The following SLC35B4 variants were observed in gnomAD, a reference collection of about 807,000 sequenced individuals.
SLC35B4 encodes the protein solute carrier family 35 member B4.
Under a neutral mutation model 39.5 loss-of-function variants are expected in SLC35B4, and 28 were observed. The observed-to-expected ratio is 0.71, with a 90% confidence interval of 0.53 to 0.97. The LOEUF is 0.97. Among genes scored for constraint, SLC35B4 ranks in the 50% least tolerant of loss-of-function variants. SLC35B4 has a pLI of 0.00. For missense variants in SLC35B4, 334 were observed against 414.3 expected, an observed-to-expected ratio of 0.81 and a Z score of 1.68; for synonymous variants, 145 against 150.4, an observed-to-expected ratio of 0.96 and a Z score of 0.26.
intron 1 of SLC35B4, among the ~76,000 whole-genome samples, chr7:134,311,063 T>C (rs1563219272): frequency 6.6e-6 from 1 of 152,244 alleles, no homozygotes; most frequent in Non-Finnish European, 1.5e-5. Context: ...TCTACAGAAC[T>C]AGGCTTACTA....
chr7:134,309,071 C>G (rs1314108173), intron 2 of SLC35B4, among the ~76,000 whole-genome samples: 1 of 152,136 alleles, frequency 6.6e-6, no homozygotes, highest in Non-Finnish European at 1.5e-5. Flanking sequence ...GAAGACAGCA[C>G]AAAATTTGTG....
intron 1 of SLC35B4, among the ~76,000 whole-genome samples, chr7:134,312,679 G>A (rs1585646829): frequency 1.3e-5 from 2 of 152,238 alleles, no homozygotes; most frequent in South Asian, 2.1e-4. Flanking sequence ...ATGTGTATTC[G>A]CTATAGGATT....
intron 2 of SLC35B4, 130 bp from the exon 3 acceptor site, chr7:134,306,904 T>C (rs558982829): frequency 3.1e-6 from 2 of 642,910 alleles, no homozygotes; most frequent in East Asian, 5.6e-5. Context: ...TGCATCACTA[T>C]TATGCCATGT....
intron 1 of SLC35B4, among the ~76,000 whole-genome samples, chr7:134,314,797 G>A (rs1803931675): frequency 6.6e-6 from 1 of 152,142 alleles, no homozygotes; most frequent in Non-Finnish European, 1.5e-5. Context: ...GACTCCCAAA[G>A]TGCTGGGATT....
In SLC35B4 at chr7:134,289,497, C is replaced by A. The variant is rs1803289740; in HGVS notation, c.*5336G>T. 6.6e-6 allele frequency: 1 copy of A among 152,594 alleles called. No individual in the cohort carries two copies. The highest frequency in any genetic ancestry group is 1.5e-5 in the Non-Finnish European group (1 of 68,062). The allele number at this position is 152,594 out of a possible 1,614,324, so 9.5% of individuals were successfully genotyped here. On this transcript the variant is annotated 3_prime_UTR_variant, in exon 10 of 10. Transcript: ENST00000378509. ...TCTACGTACTCTCAGCTTTCTACTCCCTCCTCCCCCATCTTTGTTCTTAAA... is the reference window on the plus strand; with the variant it reads ...TCTACGTACTCTCAGCTTTCTACTCACTCCTCCCCCATCTTTGTTCTTAAA...
intron 3 of SLC35B4, among the ~76,000 whole-genome samples, chr7:134,305,715 G>A (rs1329444018): frequency 6.6e-6 from 1 of 152,140 alleles, no homozygotes; most frequent in Non-Finnish European, 1.5e-5. Flanking sequence ...TTGTTGCCCA[G>A]GCTGGAGTGC....
intron 1 of SLC35B4, among the ~76,000 whole-genome samples, chr7:134,316,089 G>A (rs1803967910): frequency 6.6e-6 from 1 of 151,958 alleles, no homozygotes; most frequent in East Asian, 1.9e-4. Flanking sequence ...CATCATTTAT[G>A]TATGTTTGGG....
At chr7:134,300,426 T>C (rs1434046133) in intron 6 of SLC35B4, among the ~76,000 whole-genome samples, 165 bp from the exon 7 acceptor site, 1 of 152,238 alleles carries the variant, frequency 6.6e-6, no homozygotes, top group African/African-American at 2.4e-5. Flanking sequence ...ATCTAGTCCT[T>C]TACAGCTTTC....
At chr7:134,301,428 G>A (rs1160421670) in intron 6 of SLC35B4, among the ~76,000 whole-genome samples, 1 of 152,198 alleles carries the variant, frequency 6.6e-6, no homozygotes, top group African/African-American at 2.4e-5. Context: ...GTGCCCTCTT[G>A]CAGAAGCTTC....
chr7:134,316,796 GCCTGTACCGCTACCCCAGGAAGCCGGCCT>G lies in SLC35B4; in HGVS notation c.-74_-46del. 6.5e-7 allele frequency: 1 copy of G among 1,527,940 alleles called. No individual in the cohort carries two copies. The highest frequency in any genetic ancestry group is 8.8e-7 in the Non-Finnish European group (1 of 1,132,378). 94.6% of individuals were successfully genotyped at this position (1,527,940 alleles called of 1,614,324 possible). ...AAGCAAGCGCACAGAGTAAGCGCCC[GCCTGTACCGCTACCCCAGGAAGCCGGCCT>G]CCTGCCTCTTCGCTGCGCAGCACAT... On this transcript the variant is annotated 5_prime_UTR_variant, in exon 1 of 10. The change abolishes the stop of an existing upstream ORF in the 5' untranslated region. Transcript: ENST00000378509.
chr7:134,314,582 C>T (rs1803926384), intron 1 of SLC35B4, among the ~76,000 whole-genome samples: 1 of 152,150 alleles, frequency 6.6e-6, no homozygotes. Flanking sequence ...GTTGCCCAGG[C>T]TGGAGTGCAA....
In SLC35B4 at chr7:134,292,876, G is replaced by C. The variant is rs1370129155; in HGVS notation, c.*1957C>G. The C allele has an allele frequency of 6.6e-6, 1 of 152,118 alleles. No individual in the cohort carries two copies. Among genetic ancestry groups the C allele is most frequent in the Admixed American group, 6.5e-5 (1 of 15,268 alleles). 9.4% of individuals were successfully genotyped at this position (152,118 alleles called of 1,614,324 possible). ...CTCTAGAAAGCTGTCAATGTCCAGA[G>C]CAACACATTATTACTCTGTAAACTC... On this transcript the variant is annotated 3_prime_UTR_variant, in exon 10 of 10. Coordinates refer to ENST00000378509, the MANE Select transcript of SLC35B4 (RefSeq NM_032826.5).
chr7:134,301,917 C>A, intron 5 of SLC35B4, 96 bp from the exon 6 acceptor site: 1 of 1,507,414 alleles, frequency 6.6e-7, no homozygotes, highest in Non-Finnish European at 9.2e-7. Flanking sequence ...TTTCCCTCCC[C>A]TCTTCTCTTT....
At position 134,294,910 on chromosome 7, in the gene SLC35B4, T is replaced by C. The variant is rs751609212; in HGVS notation, c.919A>G (p.Thr307Ala). Residue 307 changes from threonine to alanine, a missense_variant, in exon 10 of 10, where the codon ACC (threonine) becomes GCC (alanine). Coordinates refer to ENST00000378509, the MANE Select transcript of SLC35B4 (RefSeq NM_032826.5). ...WLGTLFVFIG[T>A]LMYTEVWNNL... The stretch of plus-strand genomic sequence containing the variant: ...TTCCACACCTCTGTGTACATTAAGG[T>C]CCCAATGAAGACAAACAAGGTGCCC... The C allele has an allele frequency of 6.2e-7, 1 of 1,614,102 alleles. No homozygotes were observed. Among genetic ancestry groups the C allele is most frequent in the Admixed American group, 1.7e-5 (1 of 60,014 alleles).
intron 2 of SLC35B4, among the ~76,000 whole-genome samples, chr7:134,309,068 G>C (rs1245942497): frequency 6.6e-6 from 1 of 152,156 alleles, no homozygotes; most frequent in Non-Finnish European, 1.5e-5. Context: ...ACAGAAGACA[G>C]CACAAAATTT....
At chr7:134,297,155 A>G (rs1803486151) in intron 8 of SLC35B4, among the ~76,000 whole-genome samples, 1 of 152,208 alleles carries the variant, frequency 6.6e-6, no homozygotes, top group Non-Finnish European at 1.5e-5. Context: ...TCCTGACTTC[A>G]AGTGATTCGC....
At position 134,294,969 on chromosome 7, in the gene SLC35B4, T is replaced by C; in HGVS notation, c.860A>G (p.Tyr287Cys). Residue 287 changes from tyrosine to cysteine, a missense_variant, in exon 10 of 10, where the codon TAC (tyrosine) becomes TGC (cysteine). Physicochemically the swap from Tyr to Cys is radical, Grantham distance 194. Coordinates refer to ENST00000378509, the MANE Select transcript of SLC35B4 (RefSeq NM_032826.5). ...KFVSLIFSIL[Y>C]FQNPFTLWHW... ...CCACAGGGTGAAGGGGTTCTGGAAG[T>C]ACAAGATGGAAAAGATGAGGCTCAC... 2 of 1,614,056 alleles carry C rather than the reference T, an allele frequency of 1.2e-6. No individual in the cohort carries two copies. The highest frequency in any genetic ancestry group is 1.1e-5 in the South Asian group (1 of 91,072).
intron 2 of SLC35B4, among the ~76,000 whole-genome samples, chr7:134,307,909 C>T (rs1803746896): frequency 6.6e-6 from 1 of 152,216 alleles, no homozygotes; most frequent in Admixed American, 6.5e-5. Flanking sequence ...AATATACTAT[C>T]AGCGACTTTA....
chr7:134,312,197 G>A (rs1452122041), intron 1 of SLC35B4, among the ~76,000 whole-genome samples: 2 of 152,096 alleles, frequency 1.3e-5, no homozygotes, highest in African/African-American at 4.8e-5. Context: ...AGTTGACTAA[G>A]TTTTCTCATC....
Sources: allele counts gnomAD v4.1 joint callset (sites outside exome capture counted in the v4.1 genomes callset), GRCh38; gene constraint gnomAD v4.1.1; transcripts MANE v1.5; gene names NCBI Gene and HGNC (gene_info 2026-07-23, HGNC 2026-07-21).